Variants in FAM169A observed in about 807,000 individuals in gnomAD.
FAM169A encodes soluble lamin-associated protein of 75 kDa.
FAM169A carries 24 observed loss-of-function variants against 75.7 expected under a neutral mutation model. The ratio of observed to expected loss-of-function variants is 0.32; its 90% confidence interval spans 0.23 to 0.45. FAM169A has a LOEUF of 0.45. Among genes scored for constraint, FAM169A ranks in the 20% least tolerant of loss-of-function variants. The probability of loss-of-function intolerance (pLI) is 1.00; values close to 1 mark genes in which losing one functional copy is unlikely to be tolerated. For missense variants in FAM169A, 673 were observed against 784.0 expected (o/e 0.86, Z 1.69); for synonymous variants, 271 against 271.0 (o/e 1.00, Z 0.00).
chr5:74,825,713 G>A (rs1747987790), intron 5 of FAM169A, among the ~76,000 whole-genome samples: 2 of 152,044 alleles, frequency 1.3e-5, no homozygotes, highest in Admixed American at 1.3e-4. Flanking sequence ...CTTTACCCTT[G>A]GTATCTTAAA....
chr5:74,836,943 CAAA>C (rs34901874), intron 4 of FAM169A, among the ~76,000 whole-genome samples: 40 of 132,982 alleles, frequency 3.0e-4, no homozygotes, highest in Non-Finnish European at 3.0e-4. Context: ...AAGCCTGTGT[CAAA>C]AAAAAAAAAA....
At chr5:74,821,310 C>T (rs1747754661) in intron 5 of FAM169A, among the ~76,000 whole-genome samples, 2 of 152,130 alleles carry the variant, frequency 1.3e-5, no homozygotes, top group South Asian at 4.1e-4. Flanking sequence ...TAAATTTCAG[C>T]GACACCATTC....
At chr5:74,814,626 T>C (rs889044296) in intron 5 of FAM169A, among the ~76,000 whole-genome samples, 14 of 152,172 alleles carry the variant, frequency 9.2e-5, no homozygotes, top group African/African-American at 2.9e-4. Flanking sequence ...TTCCTGTAGA[T>C]ACAATGCTAA....
At chr5:74,789,541 A>G (rs905596061) in intron 11 of FAM169A, among the ~76,000 whole-genome samples, 2 of 152,220 alleles carry the variant, frequency 1.3e-5, no homozygotes, top group African/African-American at 4.8e-5. Flanking sequence ...GATCCAGAAC[A>G]GGAGAAGGCT....
chr5:74,833,507 CT>C (rs888113094), intron 5 of FAM169A, among the ~76,000 whole-genome samples: 1 of 152,074 alleles, frequency 6.6e-6, no homozygotes, highest in Non-Finnish European at 1.5e-5. Context: ...AATGACCTTC[CT>C]TTTATGGACT....
chr5:74,840,034 G>A (rs1404478803), intron 3 of FAM169A, 40 bp downstream of exon 3: 1 of 1,092,076 alleles, frequency 9.2e-7, no homozygotes, highest in Non-Finnish European at 1.3e-6. Flanking sequence ...ACAGTTTGGA[G>A]AAAAATTCCT....
At chr5:74,790,686 G>A (rs1465856324) in intron 11 of FAM169A, among the ~76,000 whole-genome samples, 1 of 152,188 alleles carries the variant, frequency 6.6e-6, no homozygotes, top group Non-Finnish European at 1.5e-5. Context: ...TGAACAAAGT[G>A]GCCATGGTGA....
chr5:74,866,548 G>T (rs1397388924), upstream of FAM169A: 4 of 520,726 alleles, frequency 7.7e-6, no homozygotes, highest in South Asian at 8.2e-5. Context: ...GTGCGGGCTT[G>T]GCCAGCCCGG....
At chr5:74,865,978 C>G (rs1201577559) in intron 1 of FAM169A, 187 bp downstream of exon 1, 1 of 160,338 alleles carries the variant, frequency 6.2e-6, no homozygotes, top group African/African-American at 2.4e-5. Flanking sequence ...GCCAGCTGGA[C>G]GCGAGCCCCG....
intron 5 of FAM169A, among the ~76,000 whole-genome samples, chr5:74,827,302 G>A (rs34496480): frequency 0.36 from 54,187 of 151,830 alleles, 12,878 homozygotes; most frequent in African/African-American, 0.68. Context: ...AATCAATCTG[G>A]TAACTGTTAC....
Position 74,784,510 on chromosome 5 carries a change from C to CAA in FAM169A, c.1261-1378_1261-1377dup, listed in dbSNP as rs200414695. On this transcript the variant is annotated intron_variant, in intron 11 of 12. Coordinates refer to ENST00000687041, the MANE Select transcript of FAM169A (RefSeq NM_001376049.1). ...AGGGAGACAGAGCAAGACTCCGTCT[C>CAA]AAAAAAAAAAAAAAAAAAACAAGAA... 7.7e-4 allele frequency among the ~76,000 whole-genome samples: 23 copies of CAA among 29,860 alleles called. 2 individuals are homozygous for CAA. The highest frequency in any genetic ancestry group is 2.2e-3 in the African/African-American group (11 of 4,894). The allele number at this position is 29,860 out of a possible 152,430, so 19.6% of individuals were successfully genotyped here.
intron 5 of FAM169A, among the ~76,000 whole-genome samples, chr5:74,816,165 A>G (rs562119839): frequency 9.2e-5 from 14 of 152,344 alleles, no homozygotes; most frequent in African/African-American, 3.4e-4. Context: ...TTTTCAGAGT[A>G]ACAATAGCAG....
At chr5:74,818,376 G>C (rs559636495) in intron 5 of FAM169A, among the ~76,000 whole-genome samples, 1 of 152,314 alleles carries the variant, frequency 6.6e-6, no homozygotes, top group African/African-American at 2.4e-5. Flanking sequence ...AAGGAAATGG[G>C]AAGTGATTGC....
At chr5:74,799,661 G>A in intron 10 of FAM169A, 1 of 1,329,202 alleles carries the variant, frequency 7.5e-7, no homozygotes, top group Non-Finnish European at 1.1e-6. Flanking sequence ...GCCTGGGCCA[G>A]CCACGACAGC....
chr5:74,846,267 C>T (rs755380799), intron 1 of FAM169A, among the ~76,000 whole-genome samples: 1 of 152,156 alleles, frequency 6.6e-6, no homozygotes, highest in African/African-American at 2.4e-5. Context: ...ATGGATGAAA[C>T]ACATTTAAAT....
chr5:74,788,826 G>C (rs989767297), intron 11 of FAM169A, among the ~76,000 whole-genome samples: 2 of 152,266 alleles, frequency 1.3e-5, no homozygotes, highest in Non-Finnish European at 2.9e-5. Context: ...ATCACATCAC[G>C]GTTCAACTCT....
At chr5:74,793,004 C>A (rs1464114499) in intron 11 of FAM169A, among the ~76,000 whole-genome samples, 1 of 152,152 alleles carries the variant, frequency 6.6e-6, no homozygotes, top group African/African-American at 2.4e-5. Context: ...AGCTAAATGC[C>A]CATCAACCAG....
intron 10 of FAM169A, chr5:74,799,339 G>A: frequency 6.2e-7 from 1 of 1,608,872 alleles, no homozygotes; most frequent in East Asian, 2.2e-5. Flanking sequence ...TGTGGGAAGT[G>A]AAGCACGACT....
intron 12 of FAM169A, 51 bp downstream of exon 12, chr5:74,782,880 T>C (rs1745481372): frequency 1.4e-6 from 2 of 1,407,194 alleles, no homozygotes; most frequent in Non-Finnish European, 2.0e-6. Context: ...TCCTCGCTAA[T>C]GTCACCAACA....
Sources: allele counts gnomAD v4.1 joint callset (sites outside exome capture counted in the v4.1 genomes callset), GRCh38; gene constraint gnomAD v4.1.1; transcripts MANE v1.5; gene names NCBI Gene and HGNC (gene_info 2026-07-23, HGNC 2026-07-21).